MBOAT2: variants seen among roughly 807,000 people sequenced by gnomAD.
MBOAT2 encodes the protein membrane bound glycerophospholipid O-acyltransferase 2, also known as membrane-bound glycerophospholipid O-acyltransferase 2.
A neutral mutation model predicts 63.4 loss-of-function variants in MBOAT2; 28 were observed. The observed-to-expected ratio is 0.44, with a 90% CI of 0.33 to 0.61. The LOEUF (loss-of-function observed/expected upper bound fraction) is 0.61. MBOAT2 is among the 20% of genes least tolerant of loss of function. The pLI is 0.03. For missense variants in MBOAT2, 470 were observed against 605.8 expected (o/e 0.78, Z 2.35); for synonymous variants, 211 against 215.6 (o/e 0.98, Z 0.19).
intron 1 of MBOAT2, among the ~76,000 whole-genome samples, chr2:8,999,052 G>C (rs1672505063): frequency 1.3e-5 from 2 of 152,124 alleles, no homozygotes; most frequent in Non-Finnish European, 2.9e-5. Context: ...ATTATTATCT[G>C]ACTTTGCAGG....
At chr2:8,889,375 A>G (rs1663817674) in intron 4 of MBOAT2, among the ~76,000 whole-genome samples, 1 of 152,214 alleles carries the variant, frequency 6.6e-6, no homozygotes, top group Non-Finnish European at 1.5e-5. Context: ...CTCCTCAACT[A>G]ACGGGAAGGT....
intron 6 of MBOAT2, 21 bp downstream of exon 6, chr2:8,882,490 A>T: frequency 6.2e-7 from 1 of 1,613,846 alleles, no homozygotes. Flanking sequence ...GCATGGCAGA[A>T]TAGGATGCAA....
chr2:8,992,346 G>A (rs1671968993), intron 1 of MBOAT2, among the ~76,000 whole-genome samples: 1 of 152,116 alleles, frequency 6.6e-6, no homozygotes, highest in Admixed American at 6.5e-5. Context: ...TACATTGCCT[G>A]GGCTGATCTC....
chr2:8,875,952 A>C (rs188614335), intron 7 of MBOAT2, among the ~76,000 whole-genome samples: 1 of 152,240 alleles, frequency 6.6e-6, no homozygotes, highest in South Asian at 2.1e-4. Context: ...ACATTTCTAC[A>C]TTGACTCTTT....
chr2:8,925,935 T>C (rs1666899002), intron 3 of MBOAT2, among the ~76,000 whole-genome samples: 2 of 152,194 alleles, frequency 1.3e-5, no homozygotes, highest in South Asian at 4.1e-4. Flanking sequence ...AGTATTTCAT[T>C]TAATCTTCAC....
intron 3 of MBOAT2, 120 bp downstream of exon 3, chr2:8,943,067 T>G: frequency 1.7e-6 from 1 of 576,506 alleles, no homozygotes; most frequent in Non-Finnish European, 2.8e-6. Context: ...TTATGACAAT[T>G]CTTCTTTAAA....
chr2:8,968,455 T>C (rs1336167615), intron 1 of MBOAT2, among the ~76,000 whole-genome samples: 1 of 152,132 alleles, frequency 6.6e-6, no homozygotes, highest in Admixed American at 6.5e-5. Flanking sequence ...AGCTGAAAAT[T>C]CTAAAAATCA....
At chr2:8,995,826 T>A (rs753479768) in intron 1 of MBOAT2, among the ~76,000 whole-genome samples, 1 of 152,046 alleles carries the variant, frequency 6.6e-6, no homozygotes, top group Non-Finnish European at 1.5e-5. Context: ...CTCCTGACCT[T>A]GTGATCCGCC....
intron 4 of MBOAT2, among the ~76,000 whole-genome samples, chr2:8,904,316 A>T (rs867563279): frequency 0.017 from 2,440 of 142,586 alleles, 40 homozygotes; most frequent in African/African-American, 0.047. Context: ...TTTATTTTTT[A>T]TTTTTTTTTT....
Position 8,940,785 on chromosome 2 carries a change from A to G in MBOAT2, c.299+2402T>C, listed in dbSNP as rs946345624. Among the ~76,000 whole-genome samples, 7 of 152,342 alleles carry G rather than the reference A, an allele frequency of 4.6e-5. No homozygotes were observed. In the East Asian group the frequency reaches 1.3e-3, roughly 29 times the overall value. On this transcript the variant is annotated intron_variant, in intron 3 of 12. Transcript: ENST00000305997. ...ACCTCATAAAGAGCATAAAGCAAAA[A>G]AAATCATAAAACAGAGAGAGGCAAG...
intron 8 of MBOAT2, among the ~76,000 whole-genome samples, chr2:8,869,963 A>C (rs1572926573): frequency 6.6e-6 from 1 of 152,320 alleles, no homozygotes; most frequent in East Asian, 1.9e-4. Flanking sequence ...AACAGCAACG[A>C]AACAAGAAGA....
intron 3 of MBOAT2, among the ~76,000 whole-genome samples, chr2:8,936,524 C>T (rs1266405559): frequency 6.6e-6 from 1 of 152,022 alleles, no homozygotes. Context: ...AAATTACTTG[C>T]CTATAATCCC....
At chr2:8,939,604 G>A (rs749955475) in intron 3 of MBOAT2, among the ~76,000 whole-genome samples, 1 of 152,114 alleles carries the variant, frequency 6.6e-6, no homozygotes, top group Non-Finnish European at 1.5e-5. Context: ...AGACGTTCTC[G>A]GACCCTCCAC....
rs1219650659 is a variant in MBOAT2 at position 8,857,926 on chromosome 2, A to T, written c.*753T>A. On this transcript the variant is annotated 3_prime_UTR_variant, in exon 13 of 13. Coordinates refer to ENST00000305997, the MANE Select transcript of MBOAT2 (RefSeq NM_138799.4). ...CTTCCTTCGTCACCTCTCTCTTTTA[A>T]GAAAAAGAATAAGCTTAAAATATCA... is the stretch of plus-strand genomic sequence containing the variant. 5.2e-5 allele frequency: 8 copies of T among 152,538 alleles called. No individual in the cohort carries two copies. The highest frequency in any genetic ancestry group is 1.9e-4 in the African/African-American group (8 of 41,442). The allele number at this position is 152,538 out of a possible 1,614,324, so 9.4% of individuals were successfully genotyped here. A position where few individuals can be genotyped will look rare whatever the true frequency, so the allele number is the denominator to read the frequency against.
chr2:8,880,366 T>C (rs1663021312), intron 6 of MBOAT2, among the ~76,000 whole-genome samples: 1 of 152,180 alleles, frequency 6.6e-6, no homozygotes. Context: ...CCAGTGATAA[T>C]GGTACTGCTA....
At chr2:8,915,580 A>G (rs1666114506) in intron 3 of MBOAT2, among the ~76,000 whole-genome samples, 1 of 152,182 alleles carries the variant, frequency 6.6e-6, no homozygotes, top group Non-Finnish European at 1.5e-5. Context: ...CCAAAAGCAC[A>G]TCAAACTTTT....
intron 1 of MBOAT2, among the ~76,000 whole-genome samples, chr2:8,979,753 T>C (rs1008450679): frequency 2.6e-5 from 4 of 152,124 alleles, no homozygotes; most frequent in Non-Finnish European, 5.9e-5. Flanking sequence ...TACAGCGACA[T>C]GTGGCAAATC....
At chr2:8,980,716 T>C (rs1015350645) in intron 1 of MBOAT2, among the ~76,000 whole-genome samples, 16 of 151,968 alleles carry the variant, frequency 1.1e-4, no homozygotes, top group Admixed American at 1.3e-4. Flanking sequence ...GATCGTTAAG[T>C]GTTGACAAGA....
intron 1 of MBOAT2, among the ~76,000 whole-genome samples, chr2:8,995,505 T>C (rs927232734): frequency 6.6e-6 from 1 of 152,216 alleles, no homozygotes; most frequent in South Asian, 2.1e-4. Context: ...GTGACTATAT[T>C]GTCAATAGCA....
Sources: gnomAD v4.1 joint callset for allele counts (sites outside exome capture counted in the v4.1 genomes callset) on GRCh38, gnomAD v4.1.1 for gene constraint, MANE v1.5 for transcripts, NCBI Gene and HGNC (gene_info 2026-07-23, HGNC 2026-07-21) for gene names.